The following SUFU variants were observed in gnomAD, a reference collection of about 807,000 sequenced individuals.
SUFU encodes SUFU negative regulator of hedgehog signaling.
In SUFU, 7 loss-of-function variants were observed where a neutral mutation model predicts 58.9. The ratio of observed to expected loss-of-function variants is 0.12; its 90% CI spans 0.07 to 0.22. The LOEUF is 0.22. Ranked by LOEUF, SUFU falls within the 10% of genes least tolerant of loss-of-function variation. SUFU has a pLI of 1.00. For synonymous variants in SUFU, 232 were observed against 254.8 expected (o/e 0.91, Z 0.85); for missense variants, 451 against 641.3 (o/e 0.70, Z 3.20).
chr10:102,545,680 TAATA>T (rs1207658560), intron 2 of SUFU, among the ~76,000 whole-genome samples: 3 of 152,176 alleles, frequency 2.0e-5, no homozygotes, highest in Non-Finnish European at 4.4e-5. Flanking sequence ...ATTTCCTTAG[TAATA>T]AATAATGGGC....
chr10:102,576,153 T>C (rs2063209800), intron 3 of SUFU, among the ~76,000 whole-genome samples: 1 of 152,030 alleles, frequency 6.6e-6, no homozygotes, highest in Non-Finnish European at 1.5e-5. Flanking sequence ...ACCTCAGATG[T>C]TAAAAACTTA....
chr10:102,531,372 G>A (rs1362862271), intron 2 of SUFU, among the ~76,000 whole-genome samples: 1 of 152,218 alleles, frequency 6.6e-6, no homozygotes, highest in Non-Finnish European at 1.5e-5. Context: ...AACATCAGAA[G>A]CTCAAAATTG....
chr10:102,560,631 T>C (rs1301572893), intron 3 of SUFU, among the ~76,000 whole-genome samples: 1 of 152,186 alleles, frequency 6.6e-6, no homozygotes, highest in African/African-American at 2.4e-5. Context: ...CATACTGTTT[T>C]TCACCTTGCT....
chr10:102,629,805 A>C lies in SUFU; in HGVS notation c.1366-261A>C, dbSNP rs142883073. On this transcript the variant is annotated intron_variant, in intron 11 of 11. Coordinates refer to ENST00000369902, the MANE Select transcript of SUFU (RefSeq NM_016169.4). This position sits in a 1 kb window ranked among gnomAD's most constrained non-coding sequence, Gnocchi z 4.7. ...CAAGGAAGTGAGCAAGAGGGAGGTC[A>C]GCTTAGTGGAGAAAGGAGGAGAAAA... Among the ~76,000 whole-genome samples the C allele has an allele frequency of 4.4e-3, 675 of 152,324 alleles. 7 individuals are homozygous for C. Among genetic ancestry groups the C allele is most frequent in the African/African-American group, 0.015 (642 of 41,572 alleles).
At position 102,619,036 on chromosome 10, in the gene SUFU, A is replaced by C; in HGVS notation, c.1296+1608A>C. ...GGACTGGGGCCTCCCCAAACTGCAGAATCTACCCAGTTATGTTTGACATCC... is the reference window on the plus strand; with the variant it reads ...GGACTGGGGCCTCCCCAAACTGCAGCATCTACCCAGTTATGTTTGACATCC... On this transcript the variant is annotated intron_variant, in intron 10 of 11. Coordinates refer to ENST00000369902, the MANE Select transcript of SUFU (RefSeq NM_016169.4). This position sits in a 1 kb window ranked among gnomAD's most constrained non-coding sequence, Gnocchi z 4.2. The C allele has an allele frequency of 6.2e-7, 1 of 1,611,640 alleles. No individual in the cohort carries two copies. Among genetic ancestry groups the C allele is most frequent in the Admixed American group, 1.7e-5 (1 of 59,882 alleles).
At chr10:102,564,945 AG>A (rs1342791679) in intron 3 of SUFU, among the ~76,000 whole-genome samples, 1 of 152,236 alleles carries the variant, frequency 6.6e-6, no homozygotes, top group Non-Finnish European at 1.5e-5. Flanking sequence ...GAAGAAAAAC[AG>A]GTCAGTCCCT....
chr10:102,515,615 C>T (rs1323081426), intron 2 of SUFU, among the ~76,000 whole-genome samples: 1 of 152,132 alleles, frequency 6.6e-6, no homozygotes, highest in Non-Finnish European at 1.5e-5. Flanking sequence ...CCCGCCTGGC[C>T]TGCAGGAACT....
intron 2 of SUFU, among the ~76,000 whole-genome samples, chr10:102,547,077 C>G (rs1017672945): frequency 2.0e-5 from 3 of 152,226 alleles, no homozygotes; most frequent in African/African-American, 7.2e-5. Flanking sequence ...TTCTTTTAGT[C>G]TGTTTCTCAA....
intron 8 of SUFU, among the ~76,000 whole-genome samples, chr10:102,610,468 G>A (rs1046549797): frequency 6.6e-6 from 1 of 151,744 alleles, no homozygotes; most frequent in African/African-American, 2.4e-5. Flanking sequence ...ACCTTATATA[G>A]GCGGGGTTTA....
chr10:102,520,513 C>T (rs1288788817), intron 2 of SUFU, among the ~76,000 whole-genome samples: 1 of 152,178 alleles, frequency 6.6e-6, no homozygotes, highest in Non-Finnish European at 1.5e-5. Flanking sequence ...AGCCACCGTG[C>T]CTGGCCAGTT....
intron 8 of SUFU, among the ~76,000 whole-genome samples, chr10:102,603,895 G>A (rs1299381270): frequency 6.6e-6 from 1 of 152,196 alleles, no homozygotes; most frequent in East Asian, 1.9e-4. Flanking sequence ...TGCTCAGCTT[G>A]TGAGGTCCAT....
chr10:102,619,201 C>T lies in SUFU; in HGVS notation c.1296+1773C>T. On this transcript the variant is annotated intron_variant, in intron 10 of 11. Coordinates refer to ENST00000369902, the MANE Select transcript of SUFU (RefSeq NM_016169.4). This position sits in a 1 kb window ranked among gnomAD's most constrained non-coding sequence, Gnocchi z 4.2. ...ACAGGACTTCGCAGATGTCACATTGCCCCTCAGTCCCCTGAATGCCCTTCG... is the reference window on the plus strand; with the variant it reads ...ACAGGACTTCGCAGATGTCACATTGTCCCTCAGTCCCCTGAATGCCCTTCG... 6.3e-7 allele frequency: 1 copy of T among 1,592,454 alleles called. No homozygotes were observed.
chr10:102,535,454 T>C (rs990696026), intron 2 of SUFU, among the ~76,000 whole-genome samples: 6 of 146,904 alleles, frequency 4.1e-5, no homozygotes, highest in African/African-American at 1.5e-4. Flanking sequence ...CCACTGCACT[T>C]CAACCTGGTG....
At chr10:102,554,588 T>C (rs2062954334) in intron 3 of SUFU, among the ~76,000 whole-genome samples, 1 of 152,226 alleles carries the variant, frequency 6.6e-6, no homozygotes, top group Non-Finnish European at 1.5e-5. Context: ...TTCTTTTCTT[T>C]TGTTTGATTT....
intron 3 of SUFU, among the ~76,000 whole-genome samples, chr10:102,552,754 C>A (rs545260771): frequency 6.6e-6 from 1 of 152,184 alleles, no homozygotes; most frequent in South Asian, 2.1e-4. Flanking sequence ...ATGTCTTTAA[C>A]TTAATTGTCA....
At chr10:102,578,835 C>T (rs1282368913) in intron 3 of SUFU, among the ~76,000 whole-genome samples, 1 of 151,696 alleles carries the variant, frequency 6.6e-6, no homozygotes, top group Non-Finnish European at 1.5e-5. Context: ...GGCACCACTG[C>T]ACTCCAGTTT....
intron 8 of SUFU, among the ~76,000 whole-genome samples, chr10:102,611,928 A>G (rs2063628047): frequency 6.6e-6 from 1 of 152,110 alleles, no homozygotes; most frequent in Non-Finnish European, 1.5e-5. Flanking sequence ...TCTCCCTTCC[A>G]GCCCCCAAAG....
intron 2 of SUFU, among the ~76,000 whole-genome samples, chr10:102,516,979 C>T (rs1242702024): frequency 3.3e-5 from 5 of 149,832 alleles, no homozygotes; most frequent in Admixed American, 6.7e-5. Flanking sequence ...AAAAATTAGC[C>T]GGGTGTGGTG....
intron 1 of SUFU, among the ~76,000 whole-genome samples, chr10:102,506,767 C>G (rs1228145148): frequency 6.6e-6 from 1 of 152,190 alleles, no homozygotes; most frequent in Admixed American, 6.5e-5. Flanking sequence ...TGGGATCCCA[C>G]GAGGTTTCTA....
Sources: gnomAD v4.1 joint callset for allele counts (sites outside exome capture counted in the v4.1 genomes callset) on GRCh38, gnomAD v4.1.1 for gene constraint, Gnocchi (gnomAD v3.1) non-coding constraint, MANE v1.5 for transcripts, NCBI Gene and HGNC (gene_info 2026-07-23, HGNC 2026-07-21) for gene names.